The following GLRB variants were observed in gnomAD, a reference collection of about 807,000 sequenced individuals.
GLRB encodes the protein glycine receptor beta.
A neutral mutation model predicts 54.2 loss-of-function variants in GLRB; 33 were observed. That is an observed-to-expected ratio of 0.61 (90% confidence interval 0.46 to 0.81). GLRB has a LOEUF of 0.81. Among genes scored for constraint, GLRB ranks in the 40% least tolerant of loss-of-function variants. GLRB has a pLI of 0.00. For synonymous variants in GLRB, 209 were observed against 208.2 expected (o/e 1.00, Z -0.03); for missense variants, 572 against 584.6 (o/e 0.98, Z 0.22).
At chr4:157,155,590 C>T (rs866718679) in intron 9 of GLRB, among the ~76,000 whole-genome samples, 3 of 152,158 alleles carry the variant, frequency 2.0e-5, no homozygotes, top group East Asian at 1.9e-4. Flanking sequence ...TTTCTTTTAG[C>T]GCCTAAAAAG....
chr4:157,169,788 A>G (rs1216678815), intron 9 of GLRB, among the ~76,000 whole-genome samples: 1 of 152,164 alleles, frequency 6.6e-6, no homozygotes, highest in Non-Finnish European at 1.5e-5. Flanking sequence ...TCTCTGTAGC[A>G]TATGGTCTAT....
At chr4:157,084,978 G>A (rs144757011) in intron 2 of GLRB, among the ~76,000 whole-genome samples, 1 of 152,258 alleles carries the variant, frequency 6.6e-6, no homozygotes, top group East Asian at 1.9e-4. Flanking sequence ...ATTGAAAATT[G>A]CCTGTTATCA....
At chr4:157,139,465 A>T (rs140907540) in intron 7 of GLRB, among the ~76,000 whole-genome samples, 224 of 152,178 alleles carry the variant, frequency 1.5e-3, no homozygotes, top group African/African-American at 5.1e-3. Context: ...AGTCTTCTTG[A>T]CCTAGGTCAC....
At position 157,170,761 on chromosome 4, in the gene GLRB, C is replaced by T. The variant is rs150568754; in HGVS notation, c.*33C>T. 500 of 1,252,082 alleles carry T rather than the reference C, an allele frequency of 4.0e-4. 3 individuals carry two copies. In the African/African-American group the frequency reaches 7.1e-3, roughly 18 times the overall value. 77.6% of individuals were successfully genotyped at this position (1,252,082 alleles called of 1,614,324 possible). ...TTTCCATTTGTACAAAATAAAATTC[C>T]ATTTCATTGTGACCTACTCCTTTCA... On this transcript the variant is annotated 3_prime_UTR_variant, in exon 10 of 10. Coordinates refer to ENST00000264428, the MANE Select transcript of GLRB (RefSeq NM_000824.5).
At chr4:157,155,910 G>C (rs995741178) in intron 9 of GLRB, among the ~76,000 whole-genome samples, 2 of 151,714 alleles carry the variant, frequency 1.3e-5, no homozygotes, top group Non-Finnish European at 2.9e-5. Flanking sequence ...CTCTTTTCAA[G>C]ACTGCGATAA....
chr4:157,117,211 T>C (rs2126522315), intron 2 of GLRB, among the ~76,000 whole-genome samples: 1 of 151,780 alleles, frequency 6.6e-6, no homozygotes, highest in Middle Eastern at 3.4e-3. Context: ...GTATGGATGG[T>C]AATAAGAAGA....
intron 2 of GLRB, among the ~76,000 whole-genome samples, chr4:157,102,050 G>A (rs749770661): frequency 2.6e-5 from 4 of 152,116 alleles, no homozygotes; most frequent in Non-Finnish European, 4.4e-5. Flanking sequence ...AATTGGTTCA[G>A]TAAAAAGGTG....
At chr4:157,112,831 G>A (rs983268799) in intron 2 of GLRB, among the ~76,000 whole-genome samples, 2 of 152,062 alleles carry the variant, frequency 1.3e-5, no homozygotes, top group Admixed American at 1.3e-4. Flanking sequence ...GCTCTGAACT[G>A]TAGGCAGCCA....
At chr4:157,146,997 G>T (rs1736836745) in intron 8 of GLRB, among the ~76,000 whole-genome samples, 1 of 152,170 alleles carries the variant, frequency 6.6e-6, no homozygotes, top group African/African-American at 2.4e-5. Context: ...GATGGGCAAA[G>T]GTGCAAGTAA....
At chr4:157,110,338 T>C (rs1735372370) in intron 2 of GLRB, among the ~76,000 whole-genome samples, 2 of 151,926 alleles carry the variant, frequency 1.3e-5, no homozygotes, top group Admixed American at 1.3e-4. Flanking sequence ...CTTCACTCTT[T>C]TGTTTTTTCT....
In GLRB at chr4:157,136,602, T is replaced by G; in HGVS notation, c.431T>G (p.Phe144Cys). ...MYKCLWKPDL[F>C]FANEKSANFH... Reference sequence around the variant, plus strand: ...AAGTGTTTATGGAAACCTGATTTATTTTTTGCAAATGAAAAAAGTGCCAAT... The same window carrying G: ...AAGTGTTTATGGAAACCTGATTTATGTTTTGCAAATGAAAAAAGTGCCAAT... Residue 144 changes from phenylalanine to cysteine, a missense_variant, in exon 5 of 10, where the codon TTT (phenylalanine) becomes TGT (cysteine). Coordinates refer to ENST00000264428, the MANE Select transcript of GLRB (RefSeq NM_000824.5). The G allele has an allele frequency of 5.0e-6, 8 of 1,613,314 alleles. No homozygotes were observed. The highest frequency in any genetic ancestry group is 5.9e-6 in the Non-Finnish European group (7 of 1,179,336).
At chr4:157,076,973 G>GGC (rs1553991091) in intron 1 of GLRB, among the ~76,000 whole-genome samples, 1 of 5,460 alleles carries the variant, frequency 1.8e-4, no homozygotes, top group South Asian at 5.7e-3. Context: ...GAAGAATCCT[G>GGC]GGGGGGGGGG....
intron 4 of GLRB, among the ~76,000 whole-genome samples, chr4:157,129,981 A>T (rs1736153274): frequency 6.6e-6 from 1 of 151,712 alleles, no homozygotes; most frequent in Non-Finnish European, 1.5e-5. Context: ...CTCTACAAGC[A>T]TTAAAAAGGA....
In GLRB at chr4:157,121,215, C is replaced by A. The variant is rs1462637792; in HGVS notation, c.229+553C>A. On this transcript the variant is annotated intron_variant, in intron 3 of 9. Coordinates refer to ENST00000264428, the MANE Select transcript of GLRB (RefSeq NM_000824.5). Reference sequence around the variant, plus strand: ...TTGTGAATAAAAGTGATTACGTAGTCCACAACATAGATTATTTTTATTCCA... The same window carrying A: ...TTGTGAATAAAAGTGATTACGTAGTACACAACATAGATTATTTTTATTCCA... Among the ~76,000 whole-genome samples, 3 of 151,736 alleles carry A rather than the reference C, an allele frequency of 2.0e-5. No homozygotes were observed. In the East Asian group the frequency reaches 5.9e-4, roughly 30 times the overall value.
Position 157,170,447 on chromosome 4 carries a change from T to G in GLRB, c.1213T>G (p.Cys405Gly), listed in dbSNP as rs780143117. ...ISTLQVGETR[C>G]KKVCTSKSDL... ...TTATTCTTAGGTTGGTGAGACCAGA[T>G]GCAAAAAAGTTTGTACTTCTAAGTC... The change falls in exon 10 of 10, where the codon TGC becomes GGC. Residue 405 changes from cysteine (C) to glycine (G), a missense_variant. Transcript: ENST00000264428. The G allele has an allele frequency of 1.2e-5, 19 of 1,597,392 alleles. No homozygotes were observed. In the Middle Eastern group the frequency reaches 6.6e-4, roughly 56 times the overall value.
intron 9 of GLRB, among the ~76,000 whole-genome samples, chr4:157,161,070 C>G (rs1020658385): frequency 3.9e-5 from 6 of 152,074 alleles, no homozygotes; most frequent in Non-Finnish European, 1.5e-5. Flanking sequence ...TGAATTGATC[C>G]CTTTACCATT....
At position 157,170,532 on chromosome 4, in the gene GLRB, C is replaced by G; in HGVS notation, c.1298C>G (p.Ser433Cys). 6.2e-7 allele frequency: 1 copy of G among 1,611,408 alleles called. No individual in the cohort carries two copies. The highest frequency in any genetic ancestry group is 8.5e-7 in the Non-Finnish European group (1 of 1,177,724). ...AGCTTACCAAGAGATTTTGAACTAT[C>G]CAATTATGACTGCTATGGAAAACCC... ...VGSLPRDFEL[S>C]NYDCYGKPIE... Residue 433 changes from serine to cysteine, a missense_variant, in exon 10 of 10, where the codon TCC becomes TGC. Coordinates refer to ENST00000264428, the MANE Select transcript of GLRB (RefSeq NM_000824.5).
chr4:157,093,583 T>G (rs1392139363), intron 2 of GLRB, among the ~76,000 whole-genome samples: 2 of 151,770 alleles, frequency 1.3e-5, no homozygotes. Flanking sequence ...GCTGAAACCC[T>G]GTCTCTACTA....
At chr4:157,161,950 C>T (rs558561687) in intron 9 of GLRB, among the ~76,000 whole-genome samples, 4 of 152,262 alleles carry the variant, frequency 2.6e-5, no homozygotes, top group East Asian at 3.9e-4. Flanking sequence ...CCATTCTCCC[C>T]GTTACTTTCA....
Sources: gnomAD v4.1 joint callset for allele counts (sites outside exome capture counted in the v4.1 genomes callset) on GRCh38, gnomAD v4.1.1 for gene constraint, MANE v1.5 for transcripts, NCBI Gene and HGNC (gene_info 2026-07-23, HGNC 2026-07-21) for gene names.